The following BTF3 variants were observed in gnomAD, a reference collection of about 807,000 sequenced individuals.
BTF3 encodes the protein basic transcription factor 3.
BTF3 carries 12 observed loss-of-function variants against 23.9 expected under a neutral mutation model. That is an observed-to-expected ratio of 0.50 (90% CI 0.32 to 0.81). The LOEUF (loss-of-function observed/expected upper bound fraction) is 0.81, where lower values mean the gene tolerates loss of function less well. Ranked by LOEUF, BTF3 falls within the 40% of genes least tolerant of loss-of-function variation. The pLI, the probability that BTF3 is intolerant of heterozygous loss-of-function variation, is 0.03. For synonymous variants in BTF3, 96 were observed against 94.8 expected, an observed-to-expected ratio of 1.01 and a Z score of -0.07; for missense variants, 215 against 255.9, an observed-to-expected ratio of 0.84 and a Z score of 1.09.
At position 73,504,267 on chromosome 5, in the gene BTF3, CTTTTTTTTTTTT is replaced by C. The variant is rs34051700; in HGVS notation, c.518-66_518-55del. 268 of 125,388 alleles carry C rather than the reference CTTTTTTTTTTTT, an allele frequency of 2.1e-3. 6 individuals carry two copies. The highest frequency in any genetic ancestry group is 0.015 in the Admixed American group (102 of 6,630). The allele number at this position is 125,388 out of a possible 1,614,324, so 7.8% of individuals were successfully genotyped here. A position where few individuals can be genotyped will look rare whatever the true frequency, so the allele number is the denominator to read the frequency against. On this transcript the variant is annotated intron_variant, in intron 4 of 5. Coordinates refer to ENST00000380591, the MANE Select transcript of BTF3 (RefSeq NM_001037637.2). Reference sequence around the variant, plus strand: ...AACAACACTTGGCATTTCATCTGTTCTTTTTTTTTTTTTTTTTTTTTTTTTGGTGAATATTTA... The same window carrying C: ...AACAACACTTGGCATTTCATCTGTTCTTTTTTTTTTTTTGGTGAATATTTA...
chr5:73,500,225 A>G (rs554176292), intron 2 of BTF3, among the ~76,000 whole-genome samples: 1 of 152,192 alleles, frequency 6.6e-6, no homozygotes, highest in Non-Finnish European at 1.5e-5. Context: ...ATTTAACAAC[A>G]TTAGATGTTT....
At chr5:73,502,158 CAAAA>C (rs148360172) in intron 2 of BTF3, among the ~76,000 whole-genome samples, 2,220 of 77,058 alleles carry the variant, frequency 0.029, 47 homozygotes, top group African/African-American at 0.076. Context: ...GACCCTGTCT[CAAAA>C]AAAAAAAAAA....
In BTF3 at chr5:73,502,574, G is replaced by A; in HGVS notation, c.288G>A (p.Gly96=). 2 of 1,606,364 alleles carry A rather than the reference G, an allele frequency of 1.2e-6. No individual in the cohort carries two copies. Among genetic ancestry groups the A allele is most frequent in the Middle Eastern group, 1.7e-4 (1 of 6,026 alleles). The stretch of plus-strand genomic sequence containing the variant: ...TTCAGTTCTCCTTAAAGAAGTTAGG[G>A]GTAAACAATATCTCTGGTATTGAAG... ...KKLQFSLKKL[G]VNNISGIEEV... The change falls in exon 3 of 6, where the codon GGG becomes GGA. Residue 96 remains glycine, a synonymous_variant. Coordinates refer to ENST00000380591, the MANE Select transcript of BTF3 (RefSeq NM_001037637.2).
In BTF3 at chr5:73,498,712, A is replaced by G; in HGVS notation, c.45A>G (p.Arg15=). 6.7e-7 allele frequency: 1 copy of G among 1,486,692 alleles called. No individual in the cohort carries two copies. Among genetic ancestry groups the G allele is most frequent in the Non-Finnish European group, 8.9e-7 (1 of 1,128,638 alleles). 92.1% of individuals were successfully genotyped at this position (1,486,692 alleles called of 1,614,324 possible). Residue 15 remains arginine, a synonymous_variant, in exon 1 of 6, where the codon CGA becomes CGG. Transcript: ENST00000380591. ...CCGCTCAGGCTGACTCTCGGGGGCG[A>G]GGTCGAGCCAGGGGCGGCTGCCCTG... is the stretch of plus-strand genomic sequence containing the variant. ...GAPAQADSRG[R]GRARGGCPGG...
intron 2 of BTF3, among the ~76,000 whole-genome samples, chr5:73,502,096 G>A (rs746399107): frequency 3.3e-5 from 5 of 150,562 alleles, no homozygotes; most frequent in East Asian, 1.9e-4. Flanking sequence ...CCTGGGAGGC[G>A]GAGGTTGCAG....
intron 1 of BTF3, 93 bp from the exon 2 acceptor site, chr5:73,499,041 G>GT: frequency 4.3e-6 from 6 of 1,396,636 alleles, no homozygotes; most frequent in Non-Finnish European, 5.8e-6. Context: ...TGTGTAGGAC[G>GT]TTTATTTTCC....
intron 4 of BTF3, among the ~76,000 whole-genome samples, chr5:73,503,820 T>C (rs924629445): frequency 6.6e-6 from 1 of 152,218 alleles, no homozygotes; most frequent in Non-Finnish European, 1.5e-5. Flanking sequence ...CTGATGCCTG[T>C]ATGGGCCTAG....
chr5:73,503,272 T>C (rs1179825006), intron 4 of BTF3, among the ~76,000 whole-genome samples, 155 bp downstream of exon 4: 1 of 152,226 alleles, frequency 6.6e-6, no homozygotes, highest in Non-Finnish European at 1.5e-5. Flanking sequence ...CTGTCCTTGC[T>C]CAAGTTTGCA....
Position 73,498,646 on chromosome 5 carries a change from G to A in BTF3, c.-22G>A, listed in dbSNP as rs1242254881. 5 of 1,495,096 alleles carry A rather than the reference G, an allele frequency of 3.3e-6. No homozygotes were observed. Among genetic ancestry groups the A allele is most frequent in the Non-Finnish European group, 4.4e-6 (5 of 1,131,938 alleles). The allele number at this position is 1,495,096 out of a possible 1,614,324, so 92.6% of individuals were successfully genotyped here. A position where few individuals can be genotyped will look rare whatever the true frequency, so the allele number is the denominator to read the frequency against. ...GAAGGAGCGAGACAGGGAGGGACAG[G>A]GCAGAGGAGGAGAGGAAGGCGATGC... On this transcript the variant is annotated 5_prime_UTR_variant, in exon 1 of 6. Transcript: ENST00000380591.
In BTF3 at chr5:73,505,540, T is replaced by TA. The variant is rs906931190; in HGVS notation, c.*310dup. 110 of 188,288 alleles carry TA rather than the reference T, an allele frequency of 5.8e-4. No homozygotes were observed. The highest frequency in any genetic ancestry group is 1.8e-3 in the African/African-American group (76 of 42,586). The allele number at this position is 188,288 out of a possible 1,614,324, so 11.7% of individuals were successfully genotyped here. A position where few individuals can be genotyped will look rare whatever the true frequency, so the allele number is the denominator to read the frequency against. ...TTCATTGACACCGATCTGTACACAG[T>TA]AAAAAAAATTGCTTATAGAAAGCTA... On this transcript the variant is annotated 3_prime_UTR_variant, in exon 6 of 6. Transcript: ENST00000380591.
rs1192416297 is a variant in BTF3 at position 73,499,175 on chromosome 5, G to C, written c.174G>C (p.Leu58=). 6.2e-7 allele frequency: 1 copy of C among 1,613,016 alleles called. No individual in the cohort carries two copies. The highest frequency in any genetic ancestry group is 8.5e-7 in the Non-Finnish European group (1 of 1,179,850). The change falls in exon 2 of 6, where the codon CTG becomes CTC. Residue 58 remains leucine (L), a synonymous_variant. Coordinates refer to ENST00000380591, the MANE Select transcript of BTF3 (RefSeq NM_001037637.2). The part of the protein sequence containing the change: ...TIMNQEKLAK[L]QAQVRIGGKG... ...TGAACCAGGAAAAACTCGCCAAACT[G>C]CAGGCACAAGTGCGCATTGGTGGGA...
intron 2 of BTF3, among the ~76,000 whole-genome samples, chr5:73,500,326 A>G (rs956482783): frequency 5.9e-5 from 9 of 152,146 alleles, no homozygotes; most frequent in African/African-American, 1.9e-4. Flanking sequence ...GGATGCTCTT[A>G]TATTGGTGTT....
intron 1 of BTF3, 32 bp downstream of exon 1, chr5:73,498,831 C>T: frequency 6.7e-7 from 1 of 1,485,842 alleles, no homozygotes; most frequent in Non-Finnish European, 8.9e-7. Context: ...GTGGCCGGGC[C>T]GGGCAGGCCC....
intron 2 of BTF3, among the ~76,000 whole-genome samples, chr5:73,500,094 C>T (rs1363469989): frequency 1.3e-5 from 2 of 152,136 alleles, no homozygotes; most frequent in East Asian, 1.9e-4. Flanking sequence ...TGCACTTAGA[C>T]TTAAATAATA....
rs186931485 is a variant in BTF3, at chr5:73,503,099, G to A, written c.499G>A (p.Glu167Lys). ...TCTGACTAGTTTAAGGAGACTGGCC[G>A]AAGCTCTGCCCAAACAATGTGAGTT... ...DSLTSLRRLA[E>K]ALPKQSVDGK... is the part of the protein sequence containing the mutation. The change falls in exon 4 of 6, where the codon GAA (glutamate) becomes AAA (lysine). Residue 167 changes from glutamate to lysine, a missense_variant. Glu to Lys is a moderately conservative substitution (Grantham distance 56). This residue lies in a region of BTF3 where 99 missense variants were observed against 171.2 expected (regional missense o/e 0.58). Coordinates refer to ENST00000380591, the MANE Select transcript of BTF3 (RefSeq NM_001037637.2). 1.1e-4 allele frequency: 171 copies of A among 1,613,814 alleles called. No individual in the cohort carries two copies. Among genetic ancestry groups the A allele is most frequent in the East Asian group, 2.2e-5 (1 of 44,882 alleles).
At chr5:73,503,238 A>G in intron 4 of BTF3, 121 bp downstream of exon 4, 1 of 1,041,866 alleles carries the variant, frequency 9.6e-7, no homozygotes, top group Admixed American at 2.5e-5. Context: ...TAAAAATAAC[A>G]GATTTGTAAC....
chr5:73,500,271 C>A (rs551892382), intron 2 of BTF3, among the ~76,000 whole-genome samples: 7 of 152,252 alleles, frequency 4.6e-5, no homozygotes, highest in African/African-American at 1.7e-4. Context: ...CAGACTGTGG[C>A]CTTCAAGTGC....
At chr5:73,502,862 G>C in intron 3 of BTF3, 54 bp from the exon 4 acceptor site, 1 of 1,552,076 alleles carries the variant, frequency 6.4e-7, no homozygotes, top group Admixed American at 1.7e-5. Flanking sequence ...TAAAACATTT[G>C]TTTTTAAAGA....
At position 73,498,629 on chromosome 5, in the gene BTF3, G is replaced by A; in HGVS notation, c.-39G>A. The A allele has an allele frequency of 6.9e-7, 1 of 1,439,206 alleles. No individual in the cohort carries two copies. The highest frequency in any genetic ancestry group is 3.1e-5 in the Admixed American group (1 of 31,978). 89.2% of individuals were successfully genotyped at this position (1,439,206 alleles called of 1,614,324 possible). On this transcript the variant is annotated 5_prime_UTR_variant, in exon 1 of 6. Transcript: ENST00000380591. Reference sequence around the variant, plus strand: ...GGGGCGGGAAGTTCCCTGAAGGAGCGAGACAGGGAGGGACAGGGCAGAGGA... The same window carrying A: ...GGGGCGGGAAGTTCCCTGAAGGAGCAAGACAGGGAGGGACAGGGCAGAGGA...
Sources: allele counts gnomAD v4.1 joint callset (sites outside exome capture counted in the v4.1 genomes callset), GRCh38; gene constraint gnomAD v4.1.1; regional missense constraint gnomAD v4.1.1; transcripts MANE v1.5; gene names NCBI Gene and HGNC (gene_info 2026-07-23, HGNC 2026-07-21).